The following ABCC4 variants were observed in gnomAD, a reference collection of about 807,000 sequenced individuals.
The protein encoded by ABCC4 is ATP binding cassette subfamily C member 4 (PEL blood group).
A neutral mutation model predicts 168.5 loss-of-function variants in ABCC4; 102 were observed. The observed-to-expected ratio is 0.61, with a 90% confidence interval of 0.52 to 0.71. ABCC4 has a LOEUF of 0.71. Ranked by LOEUF, ABCC4 falls within the 30% of genes least tolerant of loss-of-function variation. ABCC4 has a pLI of 0.00. For missense variants in ABCC4, 1,402 were observed against 1,605.8 expected, an observed-to-expected ratio of 0.87 and a Z score of 2.17; for synonymous variants, 617 against 590.7, an observed-to-expected ratio of 1.04 and a Z score of -0.65.
rs1346486475 is a variant in ABCC4, at chr13:95,170,550, C to T, written c.1806G>A (p.Gln602=). The part of the protein sequence containing the change: ...HQLQYLKAAS[Q]ILILKDGKMV... ...TACTTACATCTTTCAATATCAGAATCTGACTTGCAGCTTTGAGGTACTGCA... is the reference window on the plus strand; with the variant it reads ...TACTTACATCTTTCAATATCAGAATTTGACTTGCAGCTTTGAGGTACTGCA... The change falls in exon 14 of 31, where the codon CAG becomes CAA. Residue 602 remains glutamine, a synonymous_variant. Coordinates refer to ENST00000645237, the MANE Select transcript of ABCC4 (RefSeq NM_005845.5). 6.2e-7 allele frequency: 1 copy of T among 1,610,886 alleles called. No individual in the cohort carries two copies. Among genetic ancestry groups the T allele is most frequent in the South Asian group, 1.1e-5 (1 of 90,374 alleles).
At chr13:95,240,581 G>C (rs2039912872) in intron 3 of ABCC4, among the ~76,000 whole-genome samples, 1 of 151,754 alleles carries the variant, frequency 6.6e-6, no homozygotes, top group South Asian at 2.1e-4. Context: ...TTCAGAGGGG[G>C]CAGTGAGCAG....
At chr13:95,118,407 C>T (rs932050256) in intron 19 of ABCC4, among the ~76,000 whole-genome samples, 1 of 152,058 alleles carries the variant, frequency 6.6e-6, no homozygotes, top group African/African-American at 2.4e-5. Context: ...CCATGACCAG[C>T]TAATTTCTGT....
At chr13:95,051,985 T>G (rs1021125788) in intron 27 of ABCC4, among the ~76,000 whole-genome samples, 23 of 151,582 alleles carry the variant, frequency 1.5e-4, no homozygotes, top group Non-Finnish European at 2.9e-5. Flanking sequence ...TTTATTTATT[T>G]ATTTATTTAT....
intron 30 of ABCC4, among the ~76,000 whole-genome samples, chr13:95,022,782 C>T (rs1035209944): frequency 3.3e-5 from 5 of 152,148 alleles, no homozygotes; most frequent in Non-Finnish European, 5.9e-5. Flanking sequence ...ATGGGATTCA[C>T]GTACAAAAAA....
At chr13:95,130,543 T>C (rs1372626658) in intron 19 of ABCC4, among the ~76,000 whole-genome samples, 2 of 152,186 alleles carry the variant, frequency 1.3e-5, no homozygotes, top group African/African-American at 4.8e-5. Context: ...CAAAACAAAT[T>C]TTCCTGCAAA....
At position 95,105,886 on chromosome 13, in the gene ABCC4, G is replaced by A. The variant is rs76783990; in HGVS notation, c.2535+10036C>T. On this transcript the variant is annotated intron_variant, in intron 20 of 30. Coordinates refer to ENST00000645237, the MANE Select transcript of ABCC4 (RefSeq NM_005845.5). ...TTTTCAGGTGACCGCAAAGAGCAGG[G>A]AGAACTCTGAAAACGACCCTTTTCA... 8.5e-5 allele frequency among the ~76,000 whole-genome samples: 13 copies of A among 152,300 alleles called. No individual in the cohort carries two copies. The East Asian group carries it at 2.1e-3, about 25-fold the overall frequency.
At chr13:95,274,716 C>T (rs76888097) in intron 1 of ABCC4, among the ~76,000 whole-genome samples, 6,860 of 152,210 alleles carry the variant, frequency 0.045, 309 homozygotes, top group African/African-American at 0.11. Context: ...AGTATAATAA[C>T]CTTGGCCTTC....
At chr13:95,237,079 C>T (rs1278031811) in intron 3 of ABCC4, among the ~76,000 whole-genome samples, 2 of 152,102 alleles carry the variant, frequency 1.3e-5, no homozygotes, top group Non-Finnish European at 2.9e-5. Context: ...CCATTTCAGC[C>T]GTAGGTGAGT....
At chr13:95,192,255 C>T (rs2038277786) in intron 9 of ABCC4, among the ~76,000 whole-genome samples, 1 of 152,140 alleles carries the variant, frequency 6.6e-6, no homozygotes, top group Admixed American at 6.5e-5. Context: ...CCCAGCCCAG[C>T]ACACCCTTCT....
intron 20 of ABCC4, among the ~76,000 whole-genome samples, chr13:95,085,256 T>C (rs1227372105): frequency 6.8e-6 from 1 of 146,542 alleles, no homozygotes; most frequent in Non-Finnish European, 1.5e-5. Flanking sequence ...CTGGCCAACG[T>C]GGTGAAACCC....
intron 20 of ABCC4, among the ~76,000 whole-genome samples, chr13:95,114,809 A>G (rs1022743491): frequency 2.0e-5 from 3 of 152,204 alleles, no homozygotes; most frequent in African/African-American, 7.2e-5. Flanking sequence ...TGCTTCCTTT[A>G]TAACTGTGGC....
intron 1 of ABCC4, among the ~76,000 whole-genome samples, chr13:95,259,216 A>C (rs758337821): frequency 6.6e-6 from 1 of 152,050 alleles, no homozygotes; most frequent in Non-Finnish European, 1.5e-5. Flanking sequence ...GAGAAATCCT[A>C]TCTCTACTAA....
At chr13:95,265,179 T>A (rs2040636456) in intron 1 of ABCC4, among the ~76,000 whole-genome samples, 1 of 152,122 alleles carries the variant, frequency 6.6e-6, no homozygotes, top group Non-Finnish European at 1.5e-5. Context: ...TACAATCCAC[T>A]TTCAAGTAGT....
chr13:95,029,217 G>T (rs1354072674), intron 30 of ABCC4, among the ~76,000 whole-genome samples: 1,011 of 9,966 alleles, frequency 0.1, 20 homozygotes, highest in African/African-American at 0.17. Flanking sequence ...TATATATAGA[G>T]AGAGAGAGAG....
chr13:95,245,842 C>T (rs1405595743), intron 3 of ABCC4, among the ~76,000 whole-genome samples: 1 of 151,842 alleles, frequency 6.6e-6, no homozygotes, highest in Non-Finnish European at 1.5e-5. Flanking sequence ...GCATGTTCAA[C>T]AGGAGCAAAC....
rs1409226860 is a variant in ABCC4, at chr13:95,209,493, T to G, written c.726A>C (p.Ala242=). The change falls in exon 6 of 31, where the codon GCA becomes GCC. Residue 242 remains alanine, a synonymous_variant. Transcript: ENST00000645237. ...GCAAGGGCAGGAGAATGATTAGAAC[T>G]GCCATCCCAGCAAGGCACGATATTC... is the stretch of plus-strand genomic sequence containing the variant. The part of the protein sequence containing the change: ...EIGISCLAGM[A]VLIILLPLQS... 6.2e-7 allele frequency: 1 copy of G among 1,614,198 alleles called. No homozygotes were observed.
chr13:95,124,049 C>G (rs960913335), intron 19 of ABCC4, among the ~76,000 whole-genome samples: 48 of 152,078 alleles, frequency 3.2e-4, no homozygotes, highest in African/African-American at 1.1e-3. Flanking sequence ...CTAAGGTGTG[C>G]TGATAGGAGA....
chr13:95,270,369 A>AAAAC (rs10669624), intron 1 of ABCC4, among the ~76,000 whole-genome samples: 53,873 of 149,398 alleles, frequency 0.36, 11,382 homozygotes, highest in African/African-American at 0.59. Context: ...AAAGAAAAGA[A>AAAAC]AAATAGGAAA....
rs1224565523 is a variant in ABCC4 at position 95,266,894 on chromosome 13, T to C, written c.75-19141A>G. On this transcript the variant is annotated intron_variant, in intron 1 of 30. Transcript: ENST00000645237. Reference sequence around the variant, plus strand: ...CAAATCTCATCTTTTTTTTTTTTTTTTGAGACGGAGTTTCGCCCAGGCTGG... The same window carrying C: ...CAAATCTCATCTTTTTTTTTTTTTTCTGAGACGGAGTTTCGCCCAGGCTGG... Among the ~76,000 whole-genome samples, 375 of 151,018 alleles carry C rather than the reference T, an allele frequency of 2.5e-3. 2 individuals carry two copies. Among genetic ancestry groups the C allele is most frequent in the African/African-American group, 8.7e-3 (356 of 41,124 alleles).
Sources: allele counts gnomAD v4.1 joint callset (sites outside exome capture counted in the v4.1 genomes callset), GRCh38; gene constraint gnomAD v4.1.1; transcripts MANE v1.5; gene names NCBI Gene and HGNC (gene_info 2026-07-23, HGNC 2026-07-21).